ALPK2: variants seen among roughly 807,000 people sequenced by gnomAD.
ALPK2 encodes the protein alpha-protein kinase 2.
A neutral mutation model predicts 163.1 loss-of-function variants in ALPK2; 127 were observed. The observed-to-expected ratio is 0.78, with a 90% CI of 0.67 to 0.90. The LOEUF (loss-of-function observed/expected upper bound fraction) is 0.90. ALPK2 is among the 40% of genes least tolerant of loss of function. ALPK2 has a pLI of 0.00. For synonymous variants in ALPK2, 953 were observed against 959.1 expected, an observed-to-expected ratio of 0.99 and a Z score of 0.12; for missense variants, 2,360 against 2,589.6, an observed-to-expected ratio of 0.91 and a Z score of 1.92.
chr18:58,481,739 G>A lies in ALPK2; in HGVS notation c.*84C>T. ...GATTGCCACGCACTCTCTGCAGGCT[G>A]TATATTCTCTCCTGTGTGGCCTCAG... On this transcript the variant is annotated 3_prime_UTR_variant, in exon 13 of 13. Coordinates refer to ENST00000361673, the MANE Select transcript of ALPK2 (RefSeq NM_052947.4). The A allele has an allele frequency of 8.8e-7, 1 of 1,136,026 alleles. No homozygotes were observed. 70.4% of individuals were successfully genotyped at this position (1,136,026 alleles called of 1,614,324 possible).
At chr18:58,590,422 C>T (rs1351593402) in intron 3 of ALPK2, among the ~76,000 whole-genome samples, 3 of 152,098 alleles carry the variant, frequency 2.0e-5, no homozygotes, top group South Asian at 2.1e-4. Flanking sequence ...GAAGCTCCCC[C>T]TCCAGTGGCT....
chr18:58,527,377 G>T (rs181995023), intron 6 of ALPK2, among the ~76,000 whole-genome samples: 1 of 152,234 alleles, frequency 6.6e-6, no homozygotes, highest in East Asian at 1.9e-4. Flanking sequence ...AAAGCAAATG[G>T]GTTCAACTAA....
intron 3 of ALPK2, among the ~76,000 whole-genome samples, chr18:58,602,865 G>A (rs2052078331): frequency 6.6e-6 from 1 of 152,146 alleles, no homozygotes. Context: ...AGTGACCTCT[G>A]GTCGTCCACA....
intron 5 of ALPK2, among the ~76,000 whole-genome samples, chr18:58,530,910 G>T (rs749082515): frequency 2.0e-5 from 3 of 152,144 alleles, no homozygotes; most frequent in Non-Finnish European, 4.4e-5. Flanking sequence ...CATCAAAAAC[G>T]ATTACTCAGG....
intron 3 of ALPK2, among the ~76,000 whole-genome samples, chr18:58,582,858 A>G (rs1437753591): frequency 6.6e-6 from 1 of 152,168 alleles, no homozygotes; most frequent in Non-Finnish European, 1.5e-5. Context: ...GTAATTGGTC[A>G]GAAGAGTTAA....
chr18:58,524,203 A>C, intron 6 of ALPK2, 141 bp from the exon 7 acceptor site: 1 of 1,169,650 alleles, frequency 8.5e-7, no homozygotes, highest in Non-Finnish European at 1.2e-6. Context: ...CAAAATCACG[A>C]TCAGCTGTTT....
chr18:58,611,860 A>G, intron 1 of ALPK2, 43 bp from the exon 2 acceptor site: 1 of 1,269,472 alleles, frequency 7.9e-7, no homozygotes, highest in South Asian at 1.4e-5. Context: ...TTGTTCTGGG[A>G]TTTCTCTGGC....
At position 58,579,641 on chromosome 18, in the gene ALPK2, T is replaced by C. The variant is rs755205952; in HGVS notation, c.1135A>G (p.Ser379Gly). 6.2e-7 allele frequency: 1 copy of C among 1,613,618 alleles called. No individual in the cohort carries two copies. The highest frequency in any genetic ancestry group is 2.2e-5 in the East Asian group (1 of 44,858). The change falls in exon 4 of 13, where the codon AGT (serine) becomes GGT (glycine). Residue 379 changes from serine to glycine, a missense_variant. By Grantham distance (56) the Ser-to-Gly change is moderately conservative (BLOSUM62 0). Coordinates refer to ENST00000361673, the MANE Select transcript of ALPK2 (RefSeq NM_052947.4). Reference sequence around the variant, plus strand: ...ACCCGAGACCCACAACCCATTCCACTGAGGAAATGCTCACACCCACCCAGG... The same window carrying C: ...ACCCGAGACCCACAACCCATTCCACCGAGGAAATGCTCACACCCACCCAGG... ...HCLGGCEHFL[S>G]GMGCGSRVSG...
Position 58,524,036 on chromosome 18 carries a change from A to G in ALPK2, c.5528T>C (p.Phe1843Ser), listed in dbSNP as rs552724412. 1.2e-6 allele frequency: 2 copies of G among 1,613,934 alleles called. No individual in the cohort carries two copies. Among genetic ancestry groups the G allele is most frequent in the African/African-American group, 2.7e-5 (2 of 75,054 alleles). ...CTTCGGACTGGCTTGCACGATGGCA[A>G]AGGAAACAGTGGAGTTGTCCCCTGC... The part of the protein sequence containing the change: ...RSAGDNSTVS[F>S]AIVQASPKDQ... Residue 1843 changes from phenylalanine to serine, a missense_variant, in exon 7 of 13, where the codon TTT becomes TCT. By Grantham distance (155) the Phe-to-Ser change is radical. Transcript: ENST00000361673.
intron 8 of ALPK2, among the ~76,000 whole-genome samples, chr18:58,520,473 T>A (rs2051544588): frequency 7.0e-6 from 1 of 142,472 alleles, no homozygotes; most frequent in African/African-American, 2.5e-5. Flanking sequence ...AGAGACTCAT[T>A]GGAATCCACC....
At chr18:58,591,244 T>G (rs1479220076) in intron 3 of ALPK2, among the ~76,000 whole-genome samples, 1 of 152,200 alleles carries the variant, frequency 6.6e-6, no homozygotes, top group Non-Finnish European at 1.5e-5. Context: ...GATTAGACCC[T>G]AACAGATACA....
chr18:58,502,626 AAAT>A (rs1460660779), intron 11 of ALPK2, among the ~76,000 whole-genome samples: 5 of 152,186 alleles, frequency 3.3e-5, no homozygotes, highest in African/African-American at 1.2e-4. Context: ...GGTAGGCAGA[AAAT>A]AATATAGTTC....
chr18:58,557,829 T>G (rs951242917), intron 4 of ALPK2, among the ~76,000 whole-genome samples: 8 of 152,082 alleles, frequency 5.3e-5, no homozygotes, highest in Non-Finnish European at 1.0e-4. Context: ...GTACATGCAG[T>G]CCCAGCTACT....
chr18:58,624,372 A>G (rs1254896896), intron 1 of ALPK2, among the ~76,000 whole-genome samples: 1 of 152,156 alleles, frequency 6.6e-6, no homozygotes, highest in East Asian at 1.9e-4. Context: ...CAGGGTCCTG[A>G]CCAAAGTCCT....
Position 58,579,782 on chromosome 18 carries a change from A to T in ALPK2, c.994T>A (p.Cys332Ser). ...FSDDDLEYLE[C>S]SDVMTDYSNA... is the part of the protein sequence containing the mutation. ...GAGTAATCCGTCATAACATCAGAAC[A>T]TTCCAGATACTCCAGGTCATCATCT... Residue 332 changes from cysteine to serine, a missense_variant, in exon 4 of 13, where the codon TGT becomes AGT. Physicochemically the swap from Cys to Ser is moderately radical, Grantham distance 112. Transcript: ENST00000361673. 6.2e-7 allele frequency: 1 copy of T among 1,614,210 alleles called. No homozygotes were observed. The highest frequency in any genetic ancestry group is 8.5e-7 in the Non-Finnish European group (1 of 1,180,030).
At chr18:58,528,874 C>T in intron 6 of ALPK2, 1 of 564,200 alleles carries the variant, frequency 1.8e-6, no homozygotes, top group Non-Finnish European at 3.1e-6. Context: ...AACCCCAGAA[C>T]TCAATTCTGG....
intron 2 of ALPK2, among the ~76,000 whole-genome samples, chr18:58,610,275 C>CT (rs2052121416): frequency 1.6e-5 from 1 of 61,900 alleles, no homozygotes; most frequent in Non-Finnish European, 3.0e-5. Flanking sequence ...GACCCTGTCT[C>CT]AAAAAAAAAA....
At position 58,537,699 on chromosome 18, in the gene ALPK2, A is replaced by G; in HGVS notation, c.2488T>C (p.Tyr830His). The G allele has an allele frequency of 2.5e-6, 4 of 1,614,110 alleles. No individual in the cohort carries two copies. The highest frequency in any genetic ancestry group is 1.1e-5 in the South Asian group (1 of 91,066). ...DSLVGRPVDK[Y>H]SPQEICSVDT... is the part of the protein sequence containing the mutation. Reference sequence around the variant, plus strand: ...ACAGAGCAAATTTCTTGAGGCGAATATTTATCAACTGGTCTCCCAACAAGA... The same window carrying G: ...ACAGAGCAAATTTCTTGAGGCGAATGTTTATCAACTGGTCTCCCAACAAGA... The change falls in exon 5 of 13, where the codon TAT becomes CAT. Residue 830 changes from tyrosine to histidine, a missense_variant. Physicochemically the swap from Tyr to His is moderately conservative, Grantham distance 83. Coordinates refer to ENST00000361673, the MANE Select transcript of ALPK2 (RefSeq NM_052947.4).
intron 3 of ALPK2, among the ~76,000 whole-genome samples, chr18:58,605,967 G>T (rs2052095969): frequency 6.6e-6 from 1 of 152,230 alleles, no homozygotes; most frequent in Admixed American, 6.5e-5. Flanking sequence ...ATTATCTAAA[G>T]AATTAAAGAA....
Sources: allele counts gnomAD v4.1 joint callset (sites outside exome capture counted in the v4.1 genomes callset), GRCh38; gene constraint gnomAD v4.1.1; transcripts MANE v1.5; gene names NCBI Gene and HGNC (gene_info 2026-07-23, HGNC 2026-07-21).